Variants in RDX observed in about 807,000 individuals in gnomAD.
RDX encodes deafness, autosomal recessive 24.
RDX carries 32 observed loss-of-function variants against 83.7 expected under a neutral mutation model. The ratio of observed to expected loss-of-function variants is 0.38; its 90% CI spans 0.29 to 0.51. The LOEUF (loss-of-function observed/expected upper bound fraction) is 0.51. RDX is among the 20% of genes least tolerant of loss of function. The probability of loss-of-function intolerance (pLI) is 0.87; values close to 1 mark genes in which losing one functional copy is unlikely to be tolerated. For missense variants in RDX, 600 were observed against 689.9 expected (o/e 0.87, Z 1.46); for synonymous variants, 229 against 222.7 (o/e 1.03, Z -0.25).
intron 15 of RDX, among the ~76,000 whole-genome samples, chr11:110,176,250 G>A (rs1470467129): frequency 1.3e-5 from 2 of 152,124 alleles, no homozygotes; most frequent in African/African-American, 4.8e-5. Flanking sequence ...TTTTAGTAGA[G>A]ACGGGGTTTC....
At chr11:110,241,056 C>CAAAA (rs34548283) in intron 10 of RDX, among the ~76,000 whole-genome samples, 1 of 42,974 alleles carries the variant, frequency 2.3e-5, no homozygotes, top group Admixed American at 2.7e-4. Flanking sequence ...ACTCTGTCTC[C>CAAAA]AAAAAAAAAA....
At chr11:110,198,623 T>C (rs970865333) in intron 15 of RDX, among the ~76,000 whole-genome samples, 6 of 152,146 alleles carry the variant, frequency 3.9e-5, no homozygotes, top group African/African-American at 1.4e-4. Flanking sequence ...CACGCTCCTT[T>C]ATGGGAATCT....
At chr11:110,228,954 T>C (rs1006871894), downstream of RDX, among the ~76,000 whole-genome samples, 2 of 151,984 alleles carry the variant, frequency 1.3e-5, no homozygotes, top group African/African-American at 2.4e-5. Context: ...TTACTATTTT[T>C]ATAGATTTAT....
intron 15 of RDX, among the ~76,000 whole-genome samples, chr11:110,188,950 C>A (rs1188142689): frequency 6.6e-6 from 1 of 152,012 alleles, no homozygotes; most frequent in African/African-American, 2.4e-5. Flanking sequence ...ATAGAAACTA[C>A]AAAATAGCTA....
intron 15 of RDX, among the ~76,000 whole-genome samples, chr11:110,192,014 T>A (rs1236775056): frequency 3.9e-5 from 6 of 152,208 alleles, no homozygotes; most frequent in African/African-American, 1.4e-4. Flanking sequence ...AAGGTCATTT[T>A]TCACAGAATT....
At chr11:110,215,222 C>A (rs1039216191) in intron 14 of RDX, among the ~76,000 whole-genome samples, 17 of 149,684 alleles carry the variant, frequency 1.1e-4, no homozygotes, top group African/African-American at 3.4e-4. Flanking sequence ...ATTGGCCGGG[C>A]GTGATGGGTG....
At chr11:110,266,332 C>CA (rs1195226483) in intron 3 of RDX, among the ~76,000 whole-genome samples, 225 of 135,334 alleles carry the variant, frequency 1.7e-3, no homozygotes, top group Middle Eastern at 4.0e-3. Context: ...GACTCCGTCT[C>CA]AAAAAAAAAA....
chr11:110,211,376 T>A (rs544124532), intron 14 of RDX, among the ~76,000 whole-genome samples: 73 of 151,218 alleles, frequency 4.8e-4, no homozygotes, highest in African/African-American at 1.7e-3. Flanking sequence ...CTCCCACACA[T>A]TAATAATGGG....
At chr11:110,269,158 G>GTATTATTGCAAAATAATGTAA (rs1860189798) in intron 3 of RDX, among the ~76,000 whole-genome samples, 1 of 151,774 alleles carries the variant, frequency 6.6e-6, no homozygotes, top group East Asian at 1.9e-4. Context: ...TGCAATATTG[G>GTATTATTGCAAAATAATGTAA]ACAGGAAAAG....
At chr11:110,279,955 C>A (rs1462936885) in intron 1 of RDX, among the ~76,000 whole-genome samples, 199 bp from the exon 2 acceptor site, 1 of 152,114 alleles carries the variant, frequency 6.6e-6, no homozygotes, top group Non-Finnish European at 1.5e-5. Flanking sequence ...ATTAAAAATA[C>A]CACACATCTC....
At chr11:110,221,910 G>GT (rs779568336) in intron 14 of RDX, among the ~76,000 whole-genome samples, 3 of 152,066 alleles carry the variant, frequency 2.0e-5, no homozygotes, top group Non-Finnish European at 4.4e-5. Context: ...TCTTGGCAGA[G>GT]TTGCAAAGTC....
chr11:110,276,382 G>A (rs892079444), intron 2 of RDX, among the ~76,000 whole-genome samples: 1 of 151,998 alleles, frequency 6.6e-6, no homozygotes, highest in Non-Finnish European at 1.5e-5. Context: ...ATATCATATT[G>A]TCTTAATTAG....
intron 14 of RDX, among the ~76,000 whole-genome samples, chr11:110,224,083 T>TA (rs1415751649): frequency 6.6e-6 from 1 of 152,096 alleles, no homozygotes; most frequent in Non-Finnish European, 1.5e-5. Context: ...GTGAGTTGTT[T>TA]AGAGTTGTCA....
chr11:110,270,509 G>T (rs1335805646), intron 3 of RDX, among the ~76,000 whole-genome samples: 1 of 152,122 alleles, frequency 6.6e-6, no homozygotes, highest in African/African-American at 2.4e-5. Flanking sequence ...AATAGAAAGA[G>T]ATATACACAA....
intron 14 of RDX, among the ~76,000 whole-genome samples, chr11:110,215,402 AAATAAATAAAAT>A (rs1864011527): frequency 8.3e-6 from 1 of 119,994 alleles, no homozygotes; most frequent in Non-Finnish European, 1.8e-5. Flanking sequence ...ATAAATAAAT[AAATAAATAAAAT>A]AATAATAATG....
At chr11:110,201,381 A>T (rs1470433213) in intron 14 of RDX, among the ~76,000 whole-genome samples, 2 of 152,098 alleles carry the variant, frequency 1.3e-5, no homozygotes, top group African/African-American at 4.8e-5. Flanking sequence ...ATGAGAAAGG[A>T]GGATTTGGGA....
chr11:110,209,825 AAAACCC>A (rs1334827342), intron 14 of RDX, among the ~76,000 whole-genome samples: 1 of 146,644 alleles, frequency 6.8e-6, no homozygotes, highest in East Asian at 2.1e-4. Context: ...ATCCACACCA[AAAACCC>A]ATCTGTACAT....
At chr11:110,224,213 A>T (rs1591124656) in intron 14 of RDX, among the ~76,000 whole-genome samples, 1 of 150,884 alleles carries the variant, frequency 6.6e-6, no homozygotes, top group East Asian at 1.9e-4. Context: ...CTGTTTATAT[A>T]TATATATTAA....
chr11:110,243,913 T>G (rs1865198984), intron 10 of RDX, among the ~76,000 whole-genome samples: 1 of 152,044 alleles, frequency 6.6e-6, no homozygotes, highest in Non-Finnish European at 1.5e-5. Context: ...GGTGGCAGGG[T>G]AATATGGTAC....
Sources: gnomAD v4.1 joint callset for allele counts (sites outside exome capture counted in the v4.1 genomes callset) on GRCh38, gnomAD v4.1.1 for gene constraint, MANE v1.5 for transcripts, NCBI Gene and HGNC (gene_info 2026-07-23, HGNC 2026-07-21) for gene names.